Variants in CABLES2 observed in about 807,000 individuals in gnomAD.
CABLES2 encodes the protein Cdk5 and Abl enzyme substrate 2, also known as CDK5 and ABL1 enzyme substrate 2.
A neutral mutation model predicts 44.8 loss-of-function variants in CABLES2; 35 were observed. The observed-to-expected ratio is 0.78, with a 90% confidence interval of 0.60 to 1.04. The LOEUF is 1.04. CABLES2 is among the 50% of genes least tolerant of loss of function. CABLES2 has a pLI of 0.00. For missense variants in CABLES2, 566 were observed against 615.7 expected (o/e 0.92, Z 0.85); for synonymous variants, 282 against 281.1 (o/e 1.00, Z -0.03).
chr20:62,398,529 TG>T (rs922722439), intron 1 of CABLES2, among the ~76,000 whole-genome samples: 1 of 152,196 alleles, frequency 6.6e-6, no homozygotes, highest in African/African-American at 2.4e-5. Context: ...GGTGTACTGC[TG>T]GGGGTCACTT....
Position 62,392,934 on chromosome 20 carries a change from A to T in CABLES2, c.970T>A (p.Phe324Ile). The T allele has an allele frequency of 6.2e-7, 1 of 1,613,930 alleles. No homozygotes were observed. The highest frequency in any genetic ancestry group is 8.5e-7 in the Non-Finnish European group (1 of 1,179,948). ...AGGGCACTCACCATGTACGACGCAA[A>T]GATGAGGACACGTTTGTGCTTGCCG... ...PCGKHKRVLIFASYMTTVIEY... is the reference protein window; with the variant it reads ...PCGKHKRVLIIASYMTTVIEY... Residue 324 changes from phenylalanine (F) to isoleucine (I), a missense_variant, in exon 7 of 10, where the codon TTT (phenylalanine) becomes ATT (isoleucine). Around this residue, in one of 2 missense-constraint regions of CABLES2, gnomAD observed 436 missense variants for 536.3 expected, o/e 0.81. Transcript: ENST00000279101.
chr20:62,398,148 G>GTGGTGGTGACGGTGA (rs1988098657), intron 1 of CABLES2, among the ~76,000 whole-genome samples: 3 of 108,716 alleles, frequency 2.8e-5, no homozygotes, highest in Non-Finnish European at 3.8e-5. Flanking sequence ...GATGGTGGTG[G>GTGGTGGTGACGGTGA]TGGTGGTGAC....
rs1569017876 is a variant in CABLES2 at position 62,398,202 on chromosome 20, G to GTGGTGATGGTGA, written c.363-1611_363-1610insTCACCATCACCA. Among the ~76,000 whole-genome samples, 139 of 112,640 alleles carry GTGGTGATGGTGA rather than the reference G, an allele frequency of 1.2e-3. 1 individual carries two copies. The highest frequency in any genetic ancestry group is 9.0e-4 in the Non-Finnish European group (48 of 53,548). 73.9% of individuals were successfully genotyped at this position (112,640 alleles called of 152,430 possible). The stretch of plus-strand genomic sequence containing the variant: ...GGTGGTGGTGATGGTGATGATGGTG[G>GTGGTGATGGTGA]TGATGGTGATGTGATGGTGGTGGTG... On this transcript the variant is annotated intron_variant, in intron 1 of 9. Transcript: ENST00000279101.
In CABLES2 at chr20:62,389,626, G is replaced by T. The variant is rs532982665; in HGVS notation, c.*1345C>A. 8.5e-5 allele frequency: 13 copies of T among 152,390 alleles called. No homozygotes were observed. The highest frequency in any genetic ancestry group is 3.1e-4 in the African/African-American group (13 of 41,582). 9.4% of individuals were successfully genotyped at this position (152,390 alleles called of 1,614,324 possible). A position where few individuals can be genotyped will look rare whatever the true frequency, so the allele number is the denominator to read the frequency against. The stretch of plus-strand genomic sequence containing the variant: ...CCCAGAGCCCCTCCAGGGCCAGGCA[G>T]GTTTATAAGGTAGTGGTAGGAAAAA... On this transcript the variant is annotated 3_prime_UTR_variant, in exon 10 of 10. Coordinates refer to ENST00000279101, the MANE Select transcript of CABLES2 (RefSeq NM_031215.3).
Position 62,406,970 on chromosome 20 carries a change from G to A in CABLES2, c.307C>T (p.Leu103=). The change falls in exon 1 of 10, where the codon CTG becomes TTG. Residue 103 remains leucine (L), a synonymous_variant. Transcript: ENST00000279101. ...LPARTPAPQG[L]LSPTQVPTGL... is the part of the protein sequence containing the mutation. ...GTGGGCACCTGCGTGGGGCTGAGCA[G>A]GCCCTGGGGCGCGGGGGTCCTGGCG... 2 of 1,209,828 alleles carry A rather than the reference G, an allele frequency of 1.7e-6. No homozygotes were observed. The highest frequency in any genetic ancestry group is 1.6e-5 in the African/African-American group (1 of 63,512). 74.9% of individuals were successfully genotyped at this position (1,209,828 alleles called of 1,614,324 possible). A position where few individuals can be genotyped will look rare whatever the true frequency, so the allele number is the denominator to read the frequency against.
chr20:62,397,131 G>A (rs927135), intron 1 of CABLES2, among the ~76,000 whole-genome samples: 2,719 of 152,288 alleles, frequency 0.018, 87 homozygotes, highest in African/African-American at 0.058. Flanking sequence ...CCTCAGTGCC[G>A]TCACGGGGGC....
At position 62,393,518 on chromosome 20, in the gene CABLES2, G is replaced by GC; in HGVS notation, c.801dup (p.Pro268AlafsTer13). 2 of 1,613,496 alleles carry GC rather than the reference G, an allele frequency of 1.2e-6. No individual in the cohort carries two copies. The highest frequency in any genetic ancestry group is 1.7e-6 in the Non-Finnish European group (2 of 1,179,680). ...CCTGGCAGAGTCCGGGGGACACTGG[G>GC]CCGAGGTGTGGGCAGCAGGCCATGG... is the stretch of plus-strand genomic sequence containing the variant. On this transcript the variant is annotated frameshift_variant, in exon 6 of 10. Coordinates refer to ENST00000279101, the MANE Select transcript of CABLES2 (RefSeq NM_031215.3). LOFTEE classifies it high-confidence loss of function.
chr20:62,395,249 C>T (rs544403047), intron 3 of CABLES2, among the ~76,000 whole-genome samples: 3 of 152,328 alleles, frequency 2.0e-5, no homozygotes, highest in Non-Finnish European at 4.4e-5. Flanking sequence ...CCGGGGTTCC[C>T]CTCCCTGGGA....
chr20:62,394,087 CGTG>C, intron 5 of CABLES2, 67 bp downstream of exon 5: 3 of 1,192,104 alleles, frequency 2.5e-6, no homozygotes, highest in Non-Finnish European at 2.5e-6. Context: ...TGGGCACTGA[CGTG>C]GGACTGCTCC....
intron 1 of CABLES2, among the ~76,000 whole-genome samples, chr20:62,398,660 G>A (rs1343205063): frequency 2.6e-5 from 4 of 152,174 alleles, no homozygotes; most frequent in Admixed American, 1.3e-4. Flanking sequence ...TGGTGGAGCC[G>A]GCCTGGAGTC....
At position 62,391,562 on chromosome 20, in the gene CABLES2, G is replaced by T; in HGVS notation, c.1092-109C>A. 1 of 1,090,396 alleles carries T rather than the reference G, an allele frequency of 9.2e-7. No homozygotes were observed. The allele number at this position is 1,090,396 out of a possible 1,614,324, so 67.5% of individuals were successfully genotyped here. A position where few individuals can be genotyped will look rare whatever the true frequency, so the allele number is the denominator to read the frequency against. On this transcript the variant is annotated intron_variant, in intron 8 of 9. Transcript: ENST00000279101. The surrounding 1 kb of genome is among the most constrained non-coding windows in gnomAD (Gnocchi z 5.7). ...GGAGCGATGTAGCTTTGGGCCGCAA[G>T]AAACACCACCGCATCCTTCAGGGGA...
At position 62,407,114 on chromosome 20, in the gene CABLES2, T is replaced by C. The variant is rs1434874404; in HGVS notation, c.163A>G (p.Ile55Val). Residue 55 changes from isoleucine to valine, a missense_variant, in exon 1 of 10, where the codon ATC becomes GTC. By Grantham distance (29) the Ile-to-Val change is conservative. Transcript: ENST00000279101. ...CTCGGGGGCCGCCCGTCCAGGGAGA[T>C]GTTGTTGAGGAAGAAAAGCGCGGCC... is the stretch of plus-strand genomic sequence containing the variant. ...RQAALFFLNN[I>V]SLDGRPPSLG... 7 of 1,037,068 alleles carry C rather than the reference T, an allele frequency of 6.7e-6. No individual in the cohort carries two copies. In the East Asian group the frequency reaches 5.6e-4, roughly 83 times the overall value. The allele number at this position is 1,037,068 out of a possible 1,614,324, so 64.2% of individuals were successfully genotyped here.
Position 62,396,590 on chromosome 20 carries a change from T to C in CABLES2, c.365A>G (p.Lys122Arg). The change falls in exon 2 of 10, where the codon AAG becomes AGG. Residue 122 changes from lysine (K) to arginine (R), a missense_variant and splice_region_variant. Physicochemically the swap from Lys to Arg is conservative, Grantham distance 26 (BLOSUM62 2). Coordinates refer to ENST00000279101, the MANE Select transcript of CABLES2 (RefSeq NM_031215.3). The surrounding 1 kb of genome is among the most constrained non-coding windows in gnomAD (Gnocchi z 5.7). ...GGAGCAGCGCTGGGACGTGACTCGC[T>C]TCCTGCAAGATGACAATGGAGCCTC... ...GLGLDGQRQRKRVTSQRCSLE... is the reference protein window; with the variant it reads ...GLGLDGQRQRRRVTSQRCSLE... 6.2e-7 allele frequency: 1 copy of C among 1,611,284 alleles called. No homozygotes were observed. Among genetic ancestry groups the C allele is most frequent in the Non-Finnish European group, 8.5e-7 (1 of 1,179,080 alleles).
rs1225922670 is a variant in CABLES2 at position 62,388,904 on chromosome 20, T to C, written c.*2067A>G. On this transcript the variant is annotated 3_prime_UTR_variant, in exon 10 of 10. Transcript: ENST00000279101. Reference sequence around the variant, plus strand: ...TGGCTTTGTTGCAATAATCCTCGAATACCACACAGTGGCAGCTTTTGGCAT... The same window carrying C: ...TGGCTTTGTTGCAATAATCCTCGAACACCACACAGTGGCAGCTTTTGGCAT... 2 of 190,956 alleles carry C rather than the reference T, an allele frequency of 1.0e-5. No homozygotes were observed. The highest frequency in any genetic ancestry group is 2.2e-5 in the Non-Finnish European group (2 of 91,444). The allele number at this position is 190,956 out of a possible 1,614,324, so 11.8% of individuals were successfully genotyped here. A position where few individuals can be genotyped will look rare whatever the true frequency, so the allele number is the denominator to read the frequency against.
rs142325039 is a variant in CABLES2, at chr20:62,406,605, G to A, written c.362+310C>T. ...CCAGTTCTGTATCCAGGACTGACAA[G>A]GTCCCAGGTGAACCCAACCCCTGTG... On this transcript the variant is annotated intron_variant, in intron 1 of 9. Transcript: ENST00000279101. Among the ~76,000 whole-genome samples the A allele has an allele frequency of 8.7e-5, 4 of 46,106 alleles. No homozygotes were observed. In the South Asian group the frequency reaches 1.2e-3, roughly 14 times the overall value. 30.2% of individuals were successfully genotyped at this position (46,106 alleles called of 152,430 possible).
At chr20:62,405,594 A>G (rs1285533654) in intron 1 of CABLES2, 1 of 152,282 alleles carries the variant, frequency 6.6e-6, no homozygotes, top group African/African-American at 2.4e-5. Flanking sequence ...GTCTTTGAGG[A>G]CAGAGTGCTG....
At position 62,390,917 on chromosome 20, in the gene CABLES2, C is replaced by T; in HGVS notation, c.*54G>A. ...GGAGGCGCGGGGCTTCAGTGGGACACCTCCCAGGCCGGCAAGTGCACCTCG... is the reference window on the plus strand; with the variant it reads ...GGAGGCGCGGGGCTTCAGTGGGACATCTCCCAGGCCGGCAAGTGCACCTCG... On this transcript the variant is annotated 3_prime_UTR_variant, in exon 10 of 10. Transcript: ENST00000279101. 1.2e-6 allele frequency: 2 copies of T among 1,600,740 alleles called. No homozygotes were observed. The highest frequency in any genetic ancestry group is 1.7e-6 in the Non-Finnish European group (2 of 1,169,720).
intron 1 of CABLES2, among the ~76,000 whole-genome samples, chr20:62,398,196 A>ATGGTGACGGTGGTGGTAAGGG (rs1569017848): frequency 1.5e-5 from 1 of 68,320 alleles, no homozygotes; most frequent in African/African-American, 6.1e-5. Context: ...GATGGTGATG[A>ATGGTGACGGTGGTGGTAAGGG]TGGTGGTGAT....
rs1306865251 is a variant in CABLES2 at position 62,407,234 on chromosome 20, C to G, written c.43G>C (p.Gly15Arg). 40 of 852,760 alleles carry G rather than the reference C, an allele frequency of 4.7e-5. No homozygotes were observed. Among genetic ancestry groups the G allele is most frequent in the Non-Finnish European group, 5.5e-5 (39 of 713,602 alleles). 52.8% of individuals were successfully genotyped at this position (852,760 alleles called of 1,614,324 possible). The change falls in exon 1 of 10, where the codon GGC (glycine) becomes CGC (arginine). Residue 15 changes from glycine (G) to arginine (R), a missense_variant. By Grantham distance (125) the Gly-to-Arg change is moderately radical. Coordinates refer to ENST00000279101, the MANE Select transcript of CABLES2 (RefSeq NM_031215.3). ...AAGGAPGPAP[G>R]PAGPPPPAAP... ...GCGGGTGGCGGGGGCCCGGCGGGGC[C>G]GGGGGCCGGGCCCGGGGCTCCACCG...
Sources: allele counts gnomAD v4.1 joint callset (sites outside exome capture counted in the v4.1 genomes callset), GRCh38; gene constraint gnomAD v4.1.1; regional missense constraint gnomAD v4.1.1; non-coding constraint Gnocchi (gnomAD v3.1); transcripts MANE v1.5; gene names NCBI Gene and HGNC (gene_info 2026-07-23, HGNC 2026-07-21).